The following ADCY2 variants were observed in gnomAD, a reference collection of about 807,000 sequenced individuals.
The protein encoded by ADCY2 is adenylate cyclase 2, also known as adenylate cyclase type 2.
Under a neutral mutation model 125.2 loss-of-function variants are expected in ADCY2, and 31 were observed. The observed-to-expected ratio is 0.25, with a 90% CI of 0.19 to 0.33. The LOEUF (loss-of-function observed/expected upper bound fraction) is 0.33, where lower values mean the gene tolerates loss of function less well. Among genes scored for constraint, ADCY2 ranks in the 10% least tolerant of loss-of-function variants. The probability of loss-of-function intolerance (pLI) is 1.00; values close to 1 mark genes in which losing one functional copy is unlikely to be tolerated. For synonymous variants in ADCY2, 512 were observed against 548.4 expected, an observed-to-expected ratio of 0.93 and a Z score of 0.93; for missense variants, 904 against 1,418.2, an observed-to-expected ratio of 0.64 and a Z score of 5.82.
In ADCY2 at chr5:7,827,930, C is replaced by A. The variant is rs1025132434; in HGVS notation, c.*1059C>A. 2.0e-5 allele frequency: 3 copies of A among 152,664 alleles called. No individual in the cohort carries two copies. The highest frequency in any genetic ancestry group is 7.2e-5 in the African/African-American group (3 of 41,468). 9.5% of individuals were successfully genotyped at this position (152,664 alleles called of 1,614,324 possible). On this transcript the variant is annotated 3_prime_UTR_variant, in exon 25 of 25. Coordinates refer to ENST00000338316, the MANE Select transcript of ADCY2 (RefSeq NM_020546.3). ...CTGCAAAAGAATAATTTGGAATCAG[C>A]TATGCAAATCAGTCTCACAATAGCG... is the stretch of plus-strand genomic sequence containing the variant.
chr5:7,678,916 G>A (rs1232206265), intron 4 of ADCY2, among the ~76,000 whole-genome samples: 6 of 152,176 alleles, frequency 3.9e-5, no homozygotes, highest in Non-Finnish European at 7.3e-5. Context: ...TGAGGCATTC[G>A]GTCACACAAT....
chr5:7,693,690 T>C (rs1467152621), intron 5 of ADCY2, among the ~76,000 whole-genome samples: 1 of 152,210 alleles, frequency 6.6e-6, no homozygotes, highest in Non-Finnish European at 1.5e-5. Flanking sequence ...CCCAAAGTGC[T>C]GGGATTACAG....
At chr5:7,580,559 AT>A (rs1259118556) in intron 3 of ADCY2, among the ~76,000 whole-genome samples, 3 of 152,326 alleles carry the variant, frequency 2.0e-5, no homozygotes, top group South Asian at 2.1e-4. Flanking sequence ...GAGAAAAATG[AT>A]TTTTTTAAGA....
intron 20 of ADCY2, among the ~76,000 whole-genome samples, chr5:7,792,286 T>G (rs151234864): frequency 6.6e-6 from 1 of 150,952 alleles, no homozygotes; most frequent in African/African-American, 2.4e-5. Flanking sequence ...TCCCAGCTAC[T>G]TGGGAGGTTG....
chr5:7,743,516 C>A, intron 14 of ADCY2, 152 bp from the exon 15 acceptor site: 2 of 706,128 alleles, frequency 2.8e-6, no homozygotes, highest in Non-Finnish European at 5.0e-6. Flanking sequence ...ATGTATGTGG[C>A]ATTTTAGCTC....
Position 7,681,158 on chromosome 5 carries a change from T to C in ADCY2, c.721-9533T>C, listed in dbSNP as rs533009642. Among the ~76,000 whole-genome samples the C allele has an allele frequency of 2.6e-5, 4 of 152,380 alleles. No homozygotes were observed. The South Asian group carries it at 8.3e-4, about 32-fold the overall frequency. ...CAGTTGCCTTTTGCATCTTTAATCCTTATCTGAAGAAGCTCAGGACATTGT... is the reference window on the plus strand; with the variant it reads ...CAGTTGCCTTTTGCATCTTTAATCCCTATCTGAAGAAGCTCAGGACATTGT... On this transcript the variant is annotated intron_variant, in intron 4 of 24. Coordinates refer to ENST00000338316, the MANE Select transcript of ADCY2 (RefSeq NM_020546.3).
At chr5:7,691,084 T>C (rs916821342) in intron 5 of ADCY2, 2 of 320,414 alleles carry the variant, frequency 6.2e-6, no homozygotes, top group East Asian at 5.3e-5. Flanking sequence ...TAGCCCTGGC[T>C]TCTGTAGCCA....
At chr5:7,692,905 A>C (rs1740751542) in intron 5 of ADCY2, among the ~76,000 whole-genome samples, 1 of 152,138 alleles carries the variant, frequency 6.6e-6, no homozygotes, top group African/African-American at 2.4e-5. Flanking sequence ...AATGATGCTC[A>C]TACACAGGCC....
At chr5:7,592,816 C>A (rs1736893395) in intron 3 of ADCY2, among the ~76,000 whole-genome samples, 1 of 151,950 alleles carries the variant, frequency 6.6e-6, no homozygotes, top group Admixed American at 6.6e-5. Flanking sequence ...TGAAGAAAAC[C>A]CTCCTTTAAC....
At chr5:7,518,336 C>T (rs559269893) in intron 2 of ADCY2, among the ~76,000 whole-genome samples, 1 of 151,168 alleles carries the variant, frequency 6.6e-6, no homozygotes, top group Non-Finnish European at 1.5e-5. Context: ...GATAGAGCAT[C>T]GCTTACTACA....
intron 3 of ADCY2, among the ~76,000 whole-genome samples, chr5:7,574,962 T>C (rs1216411753): frequency 6.6e-6 from 1 of 152,032 alleles, no homozygotes; most frequent in Non-Finnish European, 1.5e-5. Flanking sequence ...TATGAGAAAA[T>C]TCTTATAGTA....
intron 14 of ADCY2, among the ~76,000 whole-genome samples, chr5:7,732,623 A>G (rs557756538): frequency 2.4e-4 from 37 of 152,224 alleles, no homozygotes; most frequent in African/African-American, 8.7e-4. Flanking sequence ...GGTGGCTCTC[A>G]CTTCTGTTGA....
At chr5:7,645,096 C>T (rs901627499) in intron 4 of ADCY2, among the ~76,000 whole-genome samples, 1 of 152,214 alleles carries the variant, frequency 6.6e-6, no homozygotes, top group Non-Finnish European at 1.5e-5. Flanking sequence ...GTTACTTCAT[C>T]ATTCAAGTCC....
intron 1 of ADCY2, among the ~76,000 whole-genome samples, chr5:7,398,143 C>T (rs1561003499): frequency 6.6e-6 from 1 of 152,180 alleles, no homozygotes; most frequent in Admixed American, 6.5e-5. Context: ...TAATTCAAAC[C>T]TGCTCTGGCT....
intron 4 of ADCY2, among the ~76,000 whole-genome samples, chr5:7,671,472 AT>A (rs1460388340): frequency 1.3e-5 from 2 of 152,252 alleles, no homozygotes; most frequent in East Asian, 3.9e-4. Flanking sequence ...ACGGAGGAGG[AT>A]TTATGTTTAG....
At chr5:7,399,221 C>T (rs1331184983) in intron 1 of ADCY2, among the ~76,000 whole-genome samples, 1 of 152,178 alleles carries the variant, frequency 6.6e-6, no homozygotes, top group Non-Finnish European at 1.5e-5. Context: ...TTCCATTAGA[C>T]TTTCATCAGT....
At chr5:7,681,516 T>C (rs1740336469) in intron 4 of ADCY2, among the ~76,000 whole-genome samples, 1 of 152,190 alleles carries the variant, frequency 6.6e-6, no homozygotes, top group Non-Finnish European at 1.5e-5. Flanking sequence ...ATGTGACCGC[T>C]TCAGGATTCA....
chr5:7,526,587 T>C (rs1208958891), intron 3 of ADCY2, among the ~76,000 whole-genome samples: 1 of 151,802 alleles, frequency 6.6e-6, no homozygotes, highest in African/African-American at 2.4e-5. Flanking sequence ...ACCCCCAAAA[T>C]ATGTGCAACT....
intron 3 of ADCY2, among the ~76,000 whole-genome samples, chr5:7,578,323 A>G (rs544794549): frequency 1.1e-4 from 16 of 152,130 alleles, no homozygotes; most frequent in Non-Finnish European, 2.4e-4. Flanking sequence ...TCAAATTGAA[A>G]CAGAAGTCTT....
Sources: allele counts gnomAD v4.1 joint callset (sites outside exome capture counted in the v4.1 genomes callset), GRCh38; gene constraint gnomAD v4.1.1; transcripts MANE v1.5; gene names NCBI Gene and HGNC (gene_info 2026-07-23, HGNC 2026-07-21).